Variants in RPN2 observed in about 807,000 individuals in gnomAD.
The protein encoded by RPN2 is ribophorin II.
In RPN2, 29 loss-of-function variants were observed where a neutral mutation model predicts 71.4. The ratio of observed to expected loss-of-function variants is 0.41; its 90% confidence interval spans 0.30 to 0.55. RPN2 has a LOEUF of 0.55. Ranked by LOEUF, RPN2 falls within the 20% of genes least tolerant of loss-of-function variation. The probability of loss-of-function intolerance (pLI) is 0.35; values close to 1 mark genes in which losing one functional copy is unlikely to be tolerated. For synonymous variants in RPN2, 308 were observed against 305.0 expected, an observed-to-expected ratio of 1.01 and a Z score of -0.10; for missense variants, 726 against 774.1, an observed-to-expected ratio of 0.94 and a Z score of 0.74.
At chr20:37,199,290 A>G in intron 4 of RPN2, 65 bp downstream of exon 4, 1 of 1,583,654 alleles carries the variant, frequency 6.3e-7, no homozygotes, top group East Asian at 2.2e-5. Context: ...AAGAGGGCTC[A>G]TTCATTGGTT....
rs149901950 is a variant in RPN2, at chr20:37,186,567, C to G, written c.207+2194C>G. ...ACCTCAAGCAATCCTCCTGCCACGG[C>G]CTCTCAAAGTGTTGGGATTACAGGC... On this transcript the variant is annotated intron_variant, in intron 2 of 16. Coordinates refer to ENST00000237530, the MANE Select transcript of RPN2 (RefSeq NM_002951.5). Among the ~76,000 whole-genome samples the G allele has an allele frequency of 3.1e-3, 475 of 152,318 alleles. 8 individuals are homozygous for G. The highest frequency in any genetic ancestry group is 0.011 in the African/African-American group (468 of 41,558).
intron 1 of RPN2, among the ~76,000 whole-genome samples, chr20:37,183,836 C>T (rs969785152): frequency 3.3e-5 from 5 of 152,144 alleles, no homozygotes; most frequent in Admixed American, 6.6e-5. Flanking sequence ...CAACAGATAG[C>T]GGGAAGCGCG....
At chr20:37,186,273 T>G (rs1179605928) in intron 2 of RPN2, among the ~76,000 whole-genome samples, 1 of 152,190 alleles carries the variant, frequency 6.6e-6, no homozygotes, top group African/African-American at 2.4e-5. Context: ...TTCCTAAATT[T>G]GTGTTTAAAT....
chr20:37,179,562 C>CG, intron 1 of RPN2, 193 bp downstream of exon 1: 1 of 1,359,676 alleles, frequency 7.4e-7, no homozygotes, highest in Non-Finnish European at 9.6e-7. Context: ...CGCGACCTGG[C>CG]GGGGTTGGTG....
chr20:37,210,192 G>T, intron 8 of RPN2, 27 bp downstream of exon 8: 1 of 1,611,784 alleles, frequency 6.2e-7, no homozygotes, highest in Middle Eastern at 1.6e-4. Flanking sequence ...TTTTGGTGGG[G>T]CGCTGACCTC....
At chr20:37,231,144 T>TG (rs1433698053) in intron 13 of RPN2, among the ~76,000 whole-genome samples, 3 of 152,156 alleles carry the variant, frequency 2.0e-5, no homozygotes, top group African/African-American at 7.2e-5. Flanking sequence ...AGAGTATCTT[T>TG]ACAAGCCTAG....
At chr20:37,200,543 G>T in intron 4 of RPN2, 1 of 508,232 alleles carries the variant, frequency 2.0e-6, no homozygotes, top group Non-Finnish European at 4.0e-6. Context: ...TGTTTCCCAG[G>T]TTTTTTTGTT....
intron 12 of RPN2, 43 bp downstream of exon 12, chr20:37,228,787 G>A (rs768948935): frequency 6.3e-7 from 1 of 1,595,894 alleles, no homozygotes. Flanking sequence ...GAGTGGCTGT[G>A]CCCCAGGCAC....
chr20:37,236,068 G>T (rs574763647), intron 15 of RPN2, among the ~76,000 whole-genome samples: 1 of 150,160 alleles, frequency 6.7e-6, no homozygotes, highest in African/African-American at 2.5e-5. Flanking sequence ...GGCACAGGTC[G>T]CTGAAGTCCA....
chr20:37,223,633 TTC>T (rs752409895), intron 9 of RPN2, among the ~76,000 whole-genome samples: 62 of 116,502 alleles, frequency 5.3e-4, no homozygotes, highest in Non-Finnish European at 9.1e-4. Flanking sequence ...CTTTTTCTTC[TTC>T]TTTTTTTTTT....
Position 37,193,692 on chromosome 20 carries a change from G to C in RPN2, c.208-4705G>C, listed in dbSNP as rs556939539. On this transcript the variant is annotated intron_variant, in intron 2 of 16. Coordinates refer to ENST00000237530, the MANE Select transcript of RPN2 (RefSeq NM_002951.5). ...ACTTTCTGCTTCTGCTGCATGGATG[G>C]GTAGTTGGGCCATTCCATGAGATAG... 3.3e-5 allele frequency among the ~76,000 whole-genome samples: 5 copies of C among 152,290 alleles called. 1 individual carries two copies. The South Asian group carries it at 1.0e-3, about 32-fold the overall frequency.
chr20:37,241,291 A>T lies in RPN2; in HGVS notation c.1884-12A>T. ...CTTCAGTAATTCTGTGTTTGTCTCCATTTTCTTTCAGAACAGCACATTAGT... is the reference window on the plus strand; with the variant it reads ...CTTCAGTAATTCTGTGTTTGTCTCCTTTTTCTTTCAGAACAGCACATTAGT... On this transcript the variant is annotated splice_polypyrimidine_tract_variant and intron_variant, in intron 16 of 16. Transcript: ENST00000237530. 2 of 1,612,500 alleles carry T rather than the reference A, an allele frequency of 1.2e-6. No individual in the cohort carries two copies. Among genetic ancestry groups the T allele is most frequent in the Non-Finnish European group, 1.7e-6 (2 of 1,179,106 alleles).
chr20:37,180,988 T>G (rs1421850252), intron 1 of RPN2, among the ~76,000 whole-genome samples: 1 of 152,140 alleles, frequency 6.6e-6, no homozygotes, highest in East Asian at 1.9e-4. Flanking sequence ...CCCAGCACTT[T>G]GGGAGGCTGA....
chr20:37,203,669 C>T (rs917887716), intron 4 of RPN2, among the ~76,000 whole-genome samples: 1 of 152,226 alleles, frequency 6.6e-6, no homozygotes, highest in African/African-American at 2.4e-5. Context: ...CTTGCCAGTT[C>T]TGTTGCCTGG....
At chr20:37,194,135 G>T (rs541988968) in intron 2 of RPN2, among the ~76,000 whole-genome samples, 6 of 152,194 alleles carry the variant, frequency 3.9e-5, no homozygotes, top group Non-Finnish European at 8.8e-5. Flanking sequence ...GGTTGCCACT[G>T]GCCTGCTGGG....
At chr20:37,239,232 A>G (rs1231780321) in intron 16 of RPN2, among the ~76,000 whole-genome samples, 1 of 152,236 alleles carries the variant, frequency 6.6e-6, no homozygotes, top group African/African-American at 2.4e-5. Flanking sequence ...TGTCACTGTC[A>G]TGTGAAAGCA....
intron 4 of RPN2, among the ~76,000 whole-genome samples, chr20:37,203,485 C>A (rs561204045): frequency 3.8e-4 from 58 of 151,972 alleles, no homozygotes; most frequent in Non-Finnish European, 5.9e-4. Context: ...GGACTACAAG[C>A]ACACGCTACC....
chr20:37,204,097 T>C (rs2067458030), intron 5 of RPN2, 137 bp downstream of exon 5: 1 of 718,254 alleles, frequency 1.4e-6, no homozygotes, highest in Non-Finnish European at 2.5e-6. Flanking sequence ...GTGTTCTTTG[T>C]ATTAAGGTAT....
At chr20:37,209,978 C>T in intron 7 of RPN2, 69 bp from the exon 8 acceptor site, 1 of 1,598,048 alleles carries the variant, frequency 6.3e-7, no homozygotes, top group Admixed American at 1.7e-5. Flanking sequence ...ATAGATAAAG[C>T]ACCCCAGAAA....
Sources: gnomAD v4.1 joint callset for allele counts (sites outside exome capture counted in the v4.1 genomes callset) on GRCh38, gnomAD v4.1.1 for gene constraint, MANE v1.5 for transcripts, NCBI Gene and HGNC (gene_info 2026-07-23, HGNC 2026-07-21) for gene names.